Variants in SYT17 observed in about 807,000 individuals in gnomAD.
The protein encoded by SYT17 is synaptotagmin-17.
SYT17 carries 22 observed loss-of-function variants against 46.7 expected under a neutral mutation model. That is an observed-to-expected ratio of 0.47 (90% CI 0.34 to 0.67). The LOEUF is 0.67. SYT17 is among the 30% of genes least tolerant of loss of function. SYT17 has a pLI of 0.01. For missense variants in SYT17, 519 were observed against 612.8 expected (o/e 0.85, Z 1.62); for synonymous variants, 251 against 248.4 (o/e 1.01, Z -0.10).
At chr16:19,253,630 A>G (rs896831797) in intron 7 of SYT17, among the ~76,000 whole-genome samples, 3 of 143,900 alleles carry the variant, frequency 2.1e-5, no homozygotes, top group Non-Finnish European at 4.6e-5. Flanking sequence ...ATGGAGCAAG[A>G]CCCTGCTTCT....
At chr16:19,173,913 C>T (rs1049396348) in intron 3 of SYT17, among the ~76,000 whole-genome samples, 8 of 152,122 alleles carry the variant, frequency 5.3e-5, no homozygotes, top group African/African-American at 1.9e-4. Context: ...ATCTGTGAGC[C>T]GAGCCTCTAT....
rs76110948 is a variant in SYT17, at chr16:19,176,351, A to C, written c.182+2773A>C. Among the ~76,000 whole-genome samples the C allele has an allele frequency of 8.6e-3, 1,304 of 152,324 alleles. 23 individuals carry two copies. The highest frequency in any genetic ancestry group is 0.03 in the African/African-American group (1,254 of 41,566). On this transcript the variant is annotated intron_variant, in intron 3 of 7. Coordinates refer to ENST00000355377, the MANE Select transcript of SYT17 (RefSeq NM_016524.4). ...GAGGAAATGGTGCTAGAATCATGCC[A>C]GTTACCTGCCCACCCAGGAAACCAG...
At chr16:19,179,193 T>C (rs1481322831) in intron 3 of SYT17, among the ~76,000 whole-genome samples, 1 of 152,064 alleles carries the variant, frequency 6.6e-6, no homozygotes, top group African/African-American at 2.4e-5. Flanking sequence ...AGTGGCACAA[T>C]CATAGCCCAC....
chr16:19,194,907 G>C (rs145796717), intron 5 of SYT17, among the ~76,000 whole-genome samples: 55 of 152,252 alleles, frequency 3.6e-4, no homozygotes, highest in African/African-American at 1.2e-3. Flanking sequence ...CAAATAAAAG[G>C]GTTCTAGTCT....
chr16:19,266,952 C>T lies in SYT17; in HGVS notation c.1301C>T (p.Pro434Leu), dbSNP rs1969404395. Residue 434 changes from proline (P) to leucine (L), a missense_variant, in exon 8 of 8, where the codon CCC becomes CTC. Transcript: ENST00000355377. The part of the protein sequence containing the change: ...RIVIGQYSSG[P>L]SETNHWRRML... ...GTCATTGGCCAGTACTCTTCAGGCC[C>T]CTCTGAGACCAACCACTGGAGGCGC... The T allele has an allele frequency of 1.9e-6, 3 of 1,613,682 alleles. No homozygotes were observed. Among genetic ancestry groups the T allele is most frequent in the African/African-American group, 2.7e-5 (2 of 74,814 alleles).
chr16:19,184,907 G>C (rs1196189623), intron 5 of SYT17, among the ~76,000 whole-genome samples: 1 of 152,142 alleles, frequency 6.6e-6, no homozygotes, highest in Non-Finnish European at 1.5e-5. Flanking sequence ...CCTTCCCCCT[G>C]TCCAGCCCAG....
At chr16:19,196,243 A>ATTT (rs35656867) in intron 5 of SYT17, among the ~76,000 whole-genome samples, 9 of 144,926 alleles carry the variant, frequency 6.2e-5, no homozygotes, top group African/African-American at 1.0e-4. Flanking sequence ...CGATAGAAGA[A>ATTT]TTTTTTTTTT....
intron 5 of SYT17, among the ~76,000 whole-genome samples, chr16:19,200,335 C>A (rs964906012): frequency 6.6e-6 from 1 of 152,190 alleles, no homozygotes; most frequent in Non-Finnish European, 1.5e-5. Context: ...GTGAAATTTA[C>A]TGTAATATTA....
intron 7 of SYT17, among the ~76,000 whole-genome samples, chr16:19,238,697 C>A (rs911321423): frequency 6.6e-6 from 1 of 152,132 alleles, no homozygotes; most frequent in Non-Finnish European, 1.5e-5. Flanking sequence ...GGGAGAGCAT[C>A]GGGGAGCTGA....
At chr16:19,170,007 A>T (rs1964019529) in intron 1 of SYT17, 1 of 152,202 alleles carries the variant, frequency 6.6e-6, no homozygotes, top group African/African-American at 2.4e-5. Context: ...TCAAGGTGGG[A>T]TCTCAAGAGG....
chr16:19,239,386 A>G (rs75369203), intron 7 of SYT17, among the ~76,000 whole-genome samples: 7,501 of 152,274 alleles, frequency 0.049, 616 homozygotes, highest in African/African-American at 0.17. Context: ...GTCTGCCTAC[A>G]TTTTGAGGAA....
intron 7 of SYT17, among the ~76,000 whole-genome samples, chr16:19,255,579 G>A (rs555377464): frequency 6.6e-6 from 1 of 152,032 alleles, no homozygotes; most frequent in Non-Finnish European, 1.5e-5. Flanking sequence ...TTGAAGCCAG[G>A]AGTCCAAGAT....
chr16:19,250,721 G>T (rs1014849459), intron 7 of SYT17, among the ~76,000 whole-genome samples: 1 of 113,916 alleles, frequency 8.8e-6, no homozygotes, highest in East Asian at 3.2e-4. Flanking sequence ...GGCCCCATTA[G>T]TTCTTTTTTT....
At chr16:19,240,341 C>A (rs1243813046) in intron 7 of SYT17, among the ~76,000 whole-genome samples, 2 of 149,442 alleles carry the variant, frequency 1.3e-5, no homozygotes, top group African/African-American at 5.0e-5. Context: ...CAGAGGGGAC[C>A]CGTAACAGGT....
intron 7 of SYT17, among the ~76,000 whole-genome samples, chr16:19,237,905 G>A (rs897606998): frequency 6.6e-6 from 1 of 152,236 alleles, no homozygotes; most frequent in Non-Finnish European, 1.5e-5. Flanking sequence ...CTATGAGTTT[G>A]CAGAAATATC....
chr16:19,208,196 C>A (rs1005298528), intron 5 of SYT17, among the ~76,000 whole-genome samples: 1 of 152,182 alleles, frequency 6.6e-6, no homozygotes, highest in African/African-American at 2.4e-5. Flanking sequence ...TGGGAGGATA[C>A]GTTTGCTATA....
At chr16:19,246,481 T>C (rs556975907) in intron 7 of SYT17, among the ~76,000 whole-genome samples, 1 of 152,282 alleles carries the variant, frequency 6.6e-6, no homozygotes, top group Non-Finnish European at 1.5e-5. Flanking sequence ...CAACCGTAAA[T>C]GGGGAGAAAT....
At position 19,223,518 on chromosome 16, in the gene SYT17, T is replaced by A. The variant is rs1179496279; in HGVS notation, c.1072+353T>A. ...TAAGGTTTTTCGCCAGCTCATTTCA[T>A]GTGTGCCATAAATTTTTATGAATTC... is the stretch of plus-strand genomic sequence containing the variant. On this transcript the variant is annotated intron_variant, in intron 6 of 7. Transcript: ENST00000355377. 3.3e-5 allele frequency among the ~76,000 whole-genome samples: 5 copies of A among 152,334 alleles called. No homozygotes were observed. In the East Asian group the frequency reaches 7.7e-4, roughly 23 times the overall value.
intron 7 of SYT17, among the ~76,000 whole-genome samples, chr16:19,259,202 A>G (rs985213653): frequency 2.8e-4 from 43 of 152,202 alleles, no homozygotes; most frequent in African/African-American, 1.0e-3. Flanking sequence ...AGAGCAAGGT[A>G]CCGTGCAAGG....
Sources: allele counts gnomAD v4.1 joint callset (sites outside exome capture counted in the v4.1 genomes callset), GRCh38; gene constraint gnomAD v4.1.1; transcripts MANE v1.5; gene names NCBI Gene and HGNC (gene_info 2026-07-23, HGNC 2026-07-21).